ARFGAP2: variants seen among roughly 807,000 people sequenced by gnomAD.
The protein encoded by ARFGAP2 is ADP-ribosylation factor GTPase-activating protein 2.
ARFGAP2 carries 45 observed loss-of-function variants against 71.9 expected under a neutral mutation model. That is an observed-to-expected ratio of 0.63 (90% confidence interval 0.49 to 0.80). The LOEUF is 0.80. Ranked by LOEUF, ARFGAP2 falls within the 30% of genes least tolerant of loss-of-function variation. ARFGAP2 has a pLI of 0.00. For missense variants in ARFGAP2, 633 were observed against 673.9 expected, an observed-to-expected ratio of 0.94 and a Z score of 0.67; for synonymous variants, 248 against 249.2, an observed-to-expected ratio of 1.00 and a Z score of 0.05.
rs372697603 is a variant in ARFGAP2 at position 47,164,324 on chromosome 11, A to C, written c.*1158T>G. 1.3e-4 allele frequency: 191 copies of C among 1,454,948 alleles called. 2 individuals carry two copies. The Middle Eastern group carries it at 2.9e-3, about 22-fold the overall frequency. The allele number at this position is 1,454,948 out of a possible 1,614,324, so 90.1% of individuals were successfully genotyped here. Reference sequence around the variant, plus strand: ...GCTTCACTCAGACCAACAGGGAGCCAGGCCCTGCAGGGGCTTTATTTTGAC... The same window carrying C: ...GCTTCACTCAGACCAACAGGGAGCCCGGCCCTGCAGGGGCTTTATTTTGAC... On this transcript the variant is annotated 3_prime_UTR_variant, in exon 16 of 16. Transcript: ENST00000524782.
At chr11:47,168,345 C>A in intron 10 of ARFGAP2, 94 bp from the exon 11 acceptor site, 2 of 1,541,688 alleles carry the variant, frequency 1.3e-6, no homozygotes, top group South Asian at 1.2e-5. Flanking sequence ...TTCTCCTTCA[C>A]GGAGCGTCAC....
chr11:47,173,964 G>A (rs565809803), intron 5 of ARFGAP2, 124 bp from the exon 6 acceptor site: 10 of 1,511,866 alleles, frequency 6.6e-6, no homozygotes, highest in South Asian at 3.6e-5. Context: ...AGGGACTGGA[G>A]GGTAGCAAAC....
chr11:47,165,366 C>T lies in ARFGAP2; in HGVS notation c.*116G>A. 1.4e-6 allele frequency: 2 copies of T among 1,381,462 alleles called. No individual in the cohort carries two copies. Among genetic ancestry groups the T allele is most frequent in the Non-Finnish European group, 2.0e-6 (2 of 1,015,374 alleles). The allele number at this position is 1,381,462 out of a possible 1,614,324, so 85.6% of individuals were successfully genotyped here. Reference sequence around the variant, plus strand: ...CTCAAAGGCCACCCCACACACACACCACACATACGAAGTAACAAATCCTCC... The same window carrying T: ...CTCAAAGGCCACCCCACACACACACTACACATACGAAGTAACAAATCCTCC... On this transcript the variant is annotated 3_prime_UTR_variant, in exon 16 of 16. Transcript: ENST00000524782.
chr11:47,166,158 G>A (rs1480700664), intron 15 of ARFGAP2, 110 bp downstream of exon 15: 31 of 1,129,418 alleles, frequency 2.7e-5, no homozygotes, highest in African/African-American at 7.6e-5. Context: ...CACCACACCC[G>A]GCCGAAAATG....
At position 47,176,768 on chromosome 11, in the gene ARFGAP2, C is replaced by T. The variant is rs767604667; in HGVS notation, c.72+14G>A. 6.8e-6 allele frequency: 11 copies of T among 1,614,004 alleles called. No individual in the cohort carries two copies. The Admixed American group carries it at 1.0e-4, about 15-fold the overall frequency. On this transcript the variant is annotated intron_variant, in intron 1 of 15. Transcript: ENST00000524782. The stretch of plus-strand genomic sequence containing the variant: ...AGCGGGACGAGAGACTCCGCGCGCC[C>T]CCTGCTCACGCACCTTGTTGGTTGG...
At chr11:47,168,726 T>G (rs1677926356) in intron 10 of ARFGAP2, 1 of 160,260 alleles carries the variant, frequency 6.2e-6, no homozygotes, top group African/African-American at 2.4e-5. Flanking sequence ...TTTCGCCACA[T>G]TGCCCAGCCT....
Position 47,166,522 on chromosome 11 carries a change from ATCCATG to A in ARFGAP2, c.1404_1409del (p.Met469_Asp470del). On this transcript the variant is annotated inframe_deletion, in exon 14 of 16. Transcript: ENST00000524782. ...GGGCCCTACCTGCTCCGTGAGCTCC[ATCCATG>A]TCCCCAAAGAGGTCTGAAGAGCTGA... 6.2e-7 allele frequency: 1 copy of A among 1,612,834 alleles called. No homozygotes were observed. Among genetic ancestry groups the A allele is most frequent in the Non-Finnish European group, 8.5e-7 (1 of 1,180,004 alleles).
At chr11:47,173,161 C>T (rs1952666110) in intron 7 of ARFGAP2, 1 of 495,954 alleles carries the variant, frequency 2.0e-6, no homozygotes, top group East Asian at 3.8e-5. Flanking sequence ...GCCTCCCCAA[C>T]ACTTTGGCTA....
At chr11:47,172,742 T>G (rs777491218) in intron 7 of ARFGAP2, 1 of 1,294,416 alleles carries the variant, frequency 7.7e-7, no homozygotes, top group South Asian at 1.2e-5. Context: ...AGCTGACAGA[T>G]ACACGGACTC....
At chr11:47,172,787 C>G (rs1316163504) in intron 7 of ARFGAP2, 4 of 1,290,954 alleles carry the variant, frequency 3.1e-6, no homozygotes, top group Non-Finnish European at 4.0e-6. Flanking sequence ...AACAAGAGGC[C>G]CACCCCAGAG....
chr11:47,174,660 G>A, intron 5 of ARFGAP2: 1 of 223,370 alleles, frequency 4.5e-6, no homozygotes, highest in Non-Finnish European at 9.1e-6. Flanking sequence ...CTCCCAAAGT[G>A]CTGGGATTAC....
Position 47,165,437 on chromosome 11 carries a change from T to G in ARFGAP2, c.*45A>C. ...CATCCCCAGCCTGGGAACTGTGGAG[T>G]TCTTGTTGCCGTCACCATCGTAAGC... On this transcript the variant is annotated 3_prime_UTR_variant, in exon 16 of 16. Coordinates refer to ENST00000524782, the MANE Select transcript of ARFGAP2 (RefSeq NM_032389.6). 1 of 1,552,822 alleles carries G rather than the reference T, an allele frequency of 6.4e-7. No homozygotes were observed.
intron 3 of ARFGAP2, 115 bp from the exon 4 acceptor site, chr11:47,175,428 AC>A: frequency 1.3e-6 from 2 of 1,505,422 alleles, no homozygotes; most frequent in Middle Eastern, 1.7e-4. Context: ...ACAGGATGAT[AC>A]ACGCTACTGA....
intron 12 of ARFGAP2, 50 bp from the exon 13 acceptor site, chr11:47,166,936 G>C: frequency 6.3e-7 from 1 of 1,590,726 alleles, no homozygotes; most frequent in Non-Finnish European, 8.6e-7. Flanking sequence ...ATCATCAGGG[G>C]AGGCAGAGTA....
chr11:47,168,940 G>A (rs1952493768), intron 10 of ARFGAP2, among the ~76,000 whole-genome samples: 2 of 151,858 alleles, frequency 1.3e-5, no homozygotes, highest in Non-Finnish European at 2.9e-5. Context: ...GCAAAGGAAT[G>A]GATGAAGAAA....
intron 8 of ARFGAP2, 200 bp from the exon 9 acceptor site, chr11:47,172,000 C>T: frequency 1.2e-6 from 1 of 855,264 alleles, no homozygotes; most frequent in Non-Finnish European, 1.8e-6. Flanking sequence ...CCCAGCAGAG[C>T]CCGGGCCTGA....
intron 5 of ARFGAP2, 116 bp downstream of exon 5, chr11:47,174,899 G>T: frequency 3.6e-6 from 4 of 1,119,918 alleles, no homozygotes; most frequent in Non-Finnish European, 4.0e-6. Flanking sequence ...CATACGTGGT[G>T]TCCAAGACAT....
At chr11:47,173,676 T>C (rs1041631488) in intron 6 of ARFGAP2, 83 bp downstream of exon 6, 71 of 1,503,908 alleles carry the variant, frequency 4.7e-5, no homozygotes, top group Non-Finnish European at 6.2e-5. Context: ...CCTGCTCCTA[T>C]TGTCATGGCC....
chr11:47,166,627 G>A (rs1044679074), intron 13 of ARFGAP2, 28 bp from the exon 14 acceptor site: 1 of 1,608,866 alleles, frequency 6.2e-7, no homozygotes, highest in Non-Finnish European at 8.5e-7. Flanking sequence ...CCAGGCCTGG[G>A]GATCTTGGGG....
Sources: gnomAD v4.1 joint callset for allele counts (sites outside exome capture counted in the v4.1 genomes callset) on GRCh38, gnomAD v4.1.1 for gene constraint, MANE v1.5 for transcripts, NCBI Gene and HGNC (gene_info 2026-07-23, HGNC 2026-07-21) for gene names.